Variants in EMSY observed in about 807,000 individuals in gnomAD.
The protein encoded by EMSY is BRCA2-interacting transcriptional repressor EMSY.
In EMSY, 26 loss-of-function variants were observed where a neutral mutation model predicts 134.6. The observed-to-expected ratio is 0.19, with a 90% CI of 0.14 to 0.27. The LOEUF (loss-of-function observed/expected upper bound fraction) is 0.27, where lower values mean the gene tolerates loss of function less well. Ranked by LOEUF, EMSY falls within the 10% of genes least tolerant of loss-of-function variation. The pLI is 1.00. For synonymous variants in EMSY, 579 were observed against 577.8 expected, an observed-to-expected ratio of 1.00 and a Z score of -0.03; for missense variants, 1,305 against 1,611.4, an observed-to-expected ratio of 0.81 and a Z score of 3.26.
chr11:76,474,713 C>T (rs867820793), intron 8 of EMSY, among the ~76,000 whole-genome samples: 10 of 152,152 alleles, frequency 6.6e-5, no homozygotes, highest in Admixed American at 2.6e-4. Context: ...AAAAAAAATT[C>T]CAACATTTCT....
At chr11:76,516,155 C>A (rs370999341) in exon 11 of EMSY, 8 of 1,613,216 alleles carry the variant, frequency 5.0e-6, no homozygotes, top group African/African-American at 2.7e-5. Flanking sequence ...CACAAGCAAC[C>A]TATACCCGGC....
At chr11:76,463,065 C>G (rs1036730868) in intron 6 of EMSY, among the ~76,000 whole-genome samples, 8 of 152,022 alleles carry the variant, frequency 5.3e-5, no homozygotes, top group Non-Finnish European at 1.0e-4. Flanking sequence ...CCTGTAATCC[C>G]AGCACTTTGG....
intron 4 of EMSY, among the ~76,000 whole-genome samples, chr11:76,455,979 G>T (rs1434353268): frequency 6.6e-6 from 1 of 152,100 alleles, no homozygotes; most frequent in Non-Finnish European, 1.5e-5. Flanking sequence ...TCTTACTGGT[G>T]CCTTATACAC....
chr11:76,457,468 A>G (rs1204269940), intron 4 of EMSY, among the ~76,000 whole-genome samples: 1 of 152,176 alleles, frequency 6.6e-6, no homozygotes, highest in Non-Finnish European at 1.5e-5. Context: ...AGAAACTGAG[A>G]ATGGTGTTTG....
exon 19 of EMSY, chr11:76,544,390 G>C (rs1474454211): frequency 6.2e-7 from 1 of 1,614,000 alleles, no homozygotes; most frequent in Non-Finnish European, 8.5e-7. Context: ...CTCAGTCACA[G>C]TCAGCTAAAC....
intron 14 of EMSY, 38 bp from the exon 16 acceptor site, chr11:76,535,852 CTTTGT>C (rs1951205369): frequency 2.4e-6 from 3 of 1,263,722 alleles, no homozygotes; most frequent in Non-Finnish European, 3.1e-6. Context: ...TTAAGAGAAA[CTTTGT>C]TTATAGGGTT....
chr11:76,450,861 A>C (rs973451942), intron 2 of EMSY, among the ~76,000 whole-genome samples: 3 of 149,102 alleles, frequency 2.0e-5, no homozygotes, highest in Non-Finnish European at 4.4e-5. Context: ...TGGCATGATC[A>C]CAGCTCACTG....
At chr11:76,548,278 T>C (rs1193507557) in intron 20 of EMSY, among the ~76,000 whole-genome samples, 1 of 152,218 alleles carries the variant, frequency 6.6e-6, no homozygotes, top group Non-Finnish European at 1.5e-5. Flanking sequence ...GTGCTTTGAT[T>C]CTAGAAGAAT....
At chr11:76,472,754 C>G (rs745420267) in exon 8 of EMSY, 1 of 1,614,210 alleles carries the variant, frequency 6.2e-7, no homozygotes. Context: ...AGCAGCAGTT[C>G]TACACCATCA....
At chr11:76,471,288 A>G (rs1347119027) in intron 7 of EMSY, among the ~76,000 whole-genome samples, 1 of 152,150 alleles carries the variant, frequency 6.6e-6, no homozygotes, top group African/African-American at 2.4e-5. Flanking sequence ...GAGTTCTCAT[A>G]TACTCTGCAC....
chr11:76,472,737 C>T (rs757199122), exon 8 of EMSY: 1 of 1,614,048 alleles, frequency 6.2e-7, no homozygotes, highest in Non-Finnish European at 8.5e-7. Flanking sequence ...GTAATAGCAG[C>T]AGTGGCAGCA....
chr11:76,551,034 T>C (rs1340956901), exon 21 of EMSY: 1 of 152,798 alleles, frequency 6.5e-6, no homozygotes, highest in Non-Finnish European at 1.5e-5. Context: ...ATTCATATGA[T>C]GCTTTCTTAA....
At chr11:76,537,256 A>G (rs1951255985) in intron 15 of EMSY, among the ~76,000 whole-genome samples, 1 of 152,232 alleles carries the variant, frequency 6.6e-6, no homozygotes, top group African/African-American at 2.4e-5. Context: ...TTCTAGAAAC[A>G]AAGAAGCCAT....
At chr11:76,495,657 C>T (rs1298474438) in intron 8 of EMSY, among the ~76,000 whole-genome samples, 1 of 152,064 alleles carries the variant, frequency 6.6e-6, no homozygotes, top group African/African-American at 2.4e-5. Context: ...ATTCAGAGTT[C>T]TTAGGAAATG....
intron 20 of EMSY, 75 bp from the exon 22 acceptor site, chr11:76,549,877 T>C: frequency 1.2e-5 from 16 of 1,326,274 alleles, no homozygotes; most frequent in Non-Finnish European, 1.5e-5. Flanking sequence ...TTTTTTTTTT[T>C]TTCTTGATAT....
chr11:76,533,873 A>G (rs756318897), intron 14 of EMSY, among the ~76,000 whole-genome samples: 4 of 152,162 alleles, frequency 2.6e-5, no homozygotes, highest in Non-Finnish European at 5.9e-5. Flanking sequence ...CCATGACTTG[A>G]TAGACAGTAG....
At chr11:76,462,315 G>A (rs1182094293) in intron 6 of EMSY, among the ~76,000 whole-genome samples, 2 of 152,220 alleles carry the variant, frequency 1.3e-5, no homozygotes, top group African/African-American at 4.8e-5. Flanking sequence ...CATATAATAT[G>A]TAGTTTTAAG....
intron 16 of EMSY, among the ~76,000 whole-genome samples, chr11:76,539,219 TAATTA>T (rs952506335): frequency 6.6e-6 from 1 of 152,176 alleles, no homozygotes; most frequent in Non-Finnish European, 1.5e-5. Flanking sequence ...GTAATGTGAA[TAATTA>T]AAGGGTTTAA....
chr11:76,528,229 C>T (rs1241557124), intron 13 of EMSY, 39 bp from the exon 15 acceptor site: 2 of 1,556,406 alleles, frequency 1.3e-6, no homozygotes, highest in South Asian at 1.1e-5. Flanking sequence ...AAATCGTTTT[C>T]TAAAATTTTA....
Sources: allele counts gnomAD v4.1 joint callset (sites outside exome capture counted in the v4.1 genomes callset), GRCh38; gene constraint gnomAD v4.1.1; transcripts MANE v1.5; gene names NCBI Gene and HGNC (gene_info 2026-07-23, HGNC 2026-07-21).